SESTD1: variants seen among roughly 807,000 people sequenced by gnomAD.
The protein encoded by SESTD1 is SEC14 domain and spectrin repeat-containing protein 1.
A neutral mutation model predicts 101.7 loss-of-function variants in SESTD1; 43 were observed. The observed-to-expected ratio is 0.42, with a 90% CI of 0.33 to 0.55. The LOEUF (loss-of-function observed/expected upper bound fraction) is 0.55, where lower values mean the gene tolerates loss of function less well. Among genes scored for constraint, SESTD1 ranks in the 20% least tolerant of loss-of-function variants. SESTD1 has a pLI of 0.07. For missense variants in SESTD1, 647 were observed against 815.1 expected, an observed-to-expected ratio of 0.79 and a Z score of 2.51; for synonymous variants, 283 against 286.8, an observed-to-expected ratio of 0.99 and a Z score of 0.13.
At chr2:179,232,256 T>C (rs2046999201) in intron 1 of SESTD1, among the ~76,000 whole-genome samples, 2 of 150,782 alleles carry the variant, frequency 1.3e-5, no homozygotes, top group African/African-American at 4.9e-5. Flanking sequence ...CAAAAAAAGA[T>C]ACAAAATTAT....
At chr2:179,183,500 G>T (rs900639598) in intron 2 of SESTD1, among the ~76,000 whole-genome samples, 7 of 152,088 alleles carry the variant, frequency 4.6e-5, no homozygotes, top group Non-Finnish European at 8.8e-5. Flanking sequence ...GCCCAGCACA[G>T]TAAGTATTTG....
chr2:179,253,553 G>A (rs1223414898), intron 1 of SESTD1, among the ~76,000 whole-genome samples: 1 of 152,090 alleles, frequency 6.6e-6, no homozygotes, highest in East Asian at 1.9e-4. Flanking sequence ...TAGAAAAGAT[G>A]AAAGCTTTTA....
intron 5 of SESTD1, among the ~76,000 whole-genome samples, chr2:179,161,988 G>A (rs928240196): frequency 6.6e-6 from 1 of 152,050 alleles, no homozygotes. Flanking sequence ...TATGAAACGA[G>A]TACAATTTAC....
chr2:179,197,016 A>G (rs1186472155), intron 1 of SESTD1, among the ~76,000 whole-genome samples: 4 of 152,198 alleles, frequency 2.6e-5, no homozygotes. Flanking sequence ...CTCTGTACCT[A>G]CGGGAGGACA....
intron 1 of SESTD1, among the ~76,000 whole-genome samples, chr2:179,257,587 C>T (rs892563249): frequency 6.6e-6 from 1 of 152,064 alleles, no homozygotes; most frequent in Non-Finnish European, 1.5e-5. Flanking sequence ...TTTGTATATA[C>T]CCCATTTTGT....
rs774783148 is a variant in SESTD1, at chr2:179,209,637, GA to G, written c.-25-17772del. 1.9e-4 allele frequency among the ~76,000 whole-genome samples: 25 copies of G among 134,572 alleles called. 4 individuals carry two copies. The highest frequency in any genetic ancestry group is 5.0e-4 in the African/African-American group (17 of 34,176). The allele number at this position is 134,572 out of a possible 152,430, so 88.3% of individuals were successfully genotyped here. ...ATCTTTTGGGCAACAATAAAATCAA[GA>G]TAGAAAAAATTTCTTTGAACTGAAC... On this transcript the variant is annotated intron_variant, in intron 1 of 17. Coordinates refer to ENST00000428443, the MANE Select transcript of SESTD1 (RefSeq NM_178123.5).
intron 10 of SESTD1, among the ~76,000 whole-genome samples, chr2:179,128,795 G>GT (rs912916882): frequency 6.6e-6 from 1 of 151,362 alleles, no homozygotes; most frequent in Non-Finnish European, 1.5e-5. Context: ...AACCTTAGGT[G>GT]TATTTTGTTC....
chr2:179,155,740 T>C (rs2045616398), intron 5 of SESTD1, among the ~76,000 whole-genome samples: 1 of 152,218 alleles, frequency 6.6e-6, no homozygotes, highest in Non-Finnish European at 1.5e-5. Flanking sequence ...TGTCCCTTAT[T>C]TATTTTTAAT....
At chr2:179,139,318 C>T (rs541535020) in intron 9 of SESTD1, among the ~76,000 whole-genome samples, 2 of 152,170 alleles carry the variant, frequency 1.3e-5, no homozygotes, top group African/African-American at 2.4e-5. Context: ...ACACATCACA[C>T]AGTGACTCCT....
At chr2:179,152,734 C>CT (rs2045554636) in intron 5 of SESTD1, among the ~76,000 whole-genome samples, 1 of 152,078 alleles carries the variant, frequency 6.6e-6, no homozygotes, top group Admixed American at 6.6e-5. Context: ...ACTATGAACT[C>CT]TATCAAATTT....
intron 10 of SESTD1, among the ~76,000 whole-genome samples, chr2:179,126,594 A>G (rs550285844): frequency 3.3e-5 from 5 of 152,278 alleles, no homozygotes; most frequent in African/African-American, 7.2e-5. Flanking sequence ...GGCTTTAAAT[A>G]TATCTATAGG....
intron 5 of SESTD1, among the ~76,000 whole-genome samples, chr2:179,152,864 G>C (rs967665215): frequency 5.9e-5 from 9 of 152,002 alleles, no homozygotes; most frequent in Non-Finnish European, 1.3e-4. Flanking sequence ...AAGAAGTCAG[G>C]AGAGGAAAAA....
In SESTD1 at chr2:179,117,579, T is replaced by A. The variant is rs780956439; in HGVS notation, c.1477A>T (p.Met493Leu). The A allele has an allele frequency of 1.3e-6, 2 of 1,587,754 alleles. No individual in the cohort carries two copies. Among genetic ancestry groups the A allele is most frequent in the Admixed American group, 1.9e-5 (1 of 53,352 alleles). The change falls in exon 14 of 18, where the codon ATG becomes TTG. Residue 493 changes from methionine to leucine, a missense_variant. Physicochemically the swap from Met to Leu is conservative, Grantham distance 15. This residue lies in a region of SESTD1 where 476 missense variants were observed against 562.6 expected (regional missense o/e 0.85). Transcript: ENST00000428443. ...EDMVDVRRLK[M>L]LQMVQLFKCE... The stretch of plus-strand genomic sequence containing the variant: ...TTAAACAACTGCACCATCTGAAGCA[T>A]CTTTAACCTTCGCACATCTACCATG...
chr2:179,128,197 G>C (rs1462634027), intron 10 of SESTD1, among the ~76,000 whole-genome samples: 1 of 152,188 alleles, frequency 6.6e-6, no homozygotes, highest in East Asian at 1.9e-4. Flanking sequence ...CCACTGTGGA[G>C]CTAATTATTT....
chr2:179,220,023 A>G (rs2046790476), intron 1 of SESTD1, among the ~76,000 whole-genome samples: 1 of 152,172 alleles, frequency 6.6e-6, no homozygotes, highest in African/African-American at 2.4e-5. Flanking sequence ...ACTACTGCTA[A>G]TCCACCTTAA....
At chr2:179,182,681 T>C (rs750043928) in intron 3 of SESTD1, among the ~76,000 whole-genome samples, 105 of 152,160 alleles carry the variant, frequency 6.9e-4, no homozygotes, top group Non-Finnish European at 1.0e-3. Flanking sequence ...AAAATATTTA[T>C]AAACTCCTAA....
Position 179,109,750 on chromosome 2 carries a change from GGT to G in SESTD1, c.*147_*148del. ...AGTAATTATGCCTTGGTAGTAGCAA[GGT>G]GTTAACATGTAAAGAGAAATGTGTC... On this transcript the variant is annotated 3_prime_UTR_variant, in exon 18 of 18. Coordinates refer to ENST00000428443, the MANE Select transcript of SESTD1 (RefSeq NM_178123.5). The G allele has an allele frequency of 2.2e-6, 2 of 910,616 alleles. No individual in the cohort carries two copies. The highest frequency in any genetic ancestry group is 3.2e-6 in the Non-Finnish European group (2 of 616,610). 56.4% of individuals were successfully genotyped at this position (910,616 alleles called of 1,614,324 possible). A position where few individuals can be genotyped will look rare whatever the true frequency, so the allele number is the denominator to read the frequency against.
chr2:179,124,489 C>G lies in SESTD1; in HGVS notation c.1042G>C (p.Asp348His), dbSNP rs375631089. ...TGCAGTGACTTTAGTTCCACAAGAT[C>G]TTCCTCATCGCCAGCATTCAAGAGT... Reference protein sequence around the residue: ...AALLNAGDEEDLVELKSLQQQ... With the variant: ...AALLNAGDEEHLVELKSLQQQ... Residue 348 changes from aspartate to histidine, a missense_variant, in exon 11 of 18, where the codon GAT becomes CAT. By Grantham distance (81) the Asp-to-His change is moderately conservative. This residue lies in a region of SESTD1 where 476 missense variants were observed against 562.6 expected (regional missense o/e 0.85). Coordinates refer to ENST00000428443, the MANE Select transcript of SESTD1 (RefSeq NM_178123.5). 1 of 1,614,068 alleles carries G rather than the reference C, an allele frequency of 6.2e-7. No individual in the cohort carries two copies.
chr2:179,160,663 T>G (rs1449686897), intron 5 of SESTD1, among the ~76,000 whole-genome samples: 1 of 152,022 alleles, frequency 6.6e-6, no homozygotes, highest in Non-Finnish European at 1.5e-5. Context: ...AACCACAAAC[T>G]CAACATTTTC....
Sources: allele counts gnomAD v4.1 joint callset (sites outside exome capture counted in the v4.1 genomes callset), GRCh38; gene constraint gnomAD v4.1.1; regional missense constraint gnomAD v4.1.1; transcripts MANE v1.5; gene names NCBI Gene and HGNC (gene_info 2026-07-23, HGNC 2026-07-21).